CHD1L: variants seen among roughly 807,000 people sequenced by gnomAD.
CHD1L encodes the protein chromodomain helicase DNA binding protein 1 like.
A neutral mutation model predicts 115.9 loss-of-function variants in CHD1L; 118 were observed. The ratio of observed to expected loss-of-function variants is 1.02; its 90% confidence interval spans 0.88 to 1.19. CHD1L has a LOEUF of 1.19. Ranked by LOEUF, CHD1L falls within the 50% of genes most tolerant of loss-of-function variation. The pLI is 0.00. For synonymous variants in CHD1L, 411 were observed against 387.1 expected (o/e 1.06, Z -0.72); for missense variants, 1,179 against 1,065.3 (o/e 1.11, Z -1.49).
At chr1:147,210,996 A>G in the CHD1L span, 11 of 152,352 alleles carry the variant, frequency 7.2e-5, no homozygotes, top group South Asian at 2.3e-3. Context: ...TTTTTGATTT[A>G]TAAACAAATC....
In CHD1L at chr1:147,275,623, G is replaced by A. The variant is rs1678102393; in HGVS notation, c.1385+155G>A. On this transcript the variant is annotated intron_variant, in intron 13 of 22. Coordinates refer to ENST00000369258, the MANE Select transcript of CHD1L (RefSeq NM_004284.6). ...TGCTATTGACTCCTAGGGTAGTATT[G>A]GGTGGGTCACATTATCAGTCCAGAC... Among the ~76,000 whole-genome samples, 3 of 152,034 alleles carry A rather than the reference G, an allele frequency of 2.0e-5. No individual in the cohort carries two copies. The South Asian group carries it at 6.2e-4, about 32-fold the overall frequency.
At chr1:147,202,291 G>C in the CHD1L span, among the ~76,000 whole-genome samples, 2 of 149,652 alleles carry the variant, frequency 1.3e-5, no homozygotes, top group Non-Finnish European at 3.0e-5. Flanking sequence ...CTAGTATCGT[G>C]GAGCTTTCTA....
chr1:147,214,759 TATTA>T, the CHD1L span: 1 of 151,962 alleles, frequency 6.6e-6, no homozygotes, highest in South Asian at 2.1e-4. Flanking sequence ...TCTCTATTTT[TATTA>T]ATTATATTTA....
At chr1:147,267,177 A>G (rs11239962) in intron 8 of CHD1L, among the ~76,000 whole-genome samples, 2,804 of 152,324 alleles carry the variant, frequency 0.018, 87 homozygotes, top group African/African-American at 0.064. Context: ...AGAATTTGCA[A>G]AAGAGTAACA....
At chr1:147,269,052 C>A (rs1431709741) in intron 10 of CHD1L, among the ~76,000 whole-genome samples, 174 bp downstream of exon 10, 3 of 152,170 alleles carry the variant, frequency 2.0e-5, no homozygotes, top group African/African-American at 7.2e-5. Flanking sequence ...CACTCCACCC[C>A]TTCCACAATC....
the CHD1L span, chr1:147,178,531 A>G: frequency 6.2e-7 from 1 of 1,611,108 alleles, no homozygotes; most frequent in South Asian, 1.1e-5. Flanking sequence ...AGTGCCTCTC[A>G]GGACTGAGGA....
intron 20 of CHD1L, among the ~76,000 whole-genome samples, chr1:147,292,767 CAT>C (rs1234724918): frequency 2.6e-5 from 4 of 152,184 alleles, no homozygotes; most frequent in African/African-American, 9.7e-5. Flanking sequence ...AACTAGATGT[CAT>C]GTGAACTACC....
intron 14 of CHD1L, 44 bp downstream of exon 14, chr1:147,276,301 C>A: frequency 6.3e-7 from 1 of 1,593,016 alleles, no homozygotes; most frequent in Non-Finnish European, 8.6e-7. Context: ...TATACCAATA[C>A]CCTTTGTGGA....
At position 147,268,782 on chromosome 1, in the gene CHD1L, G is replaced by GTGTGGAGCCGGAGCCTT; in HGVS notation, c.991_1007dup (p.Phe336LeufsTer13). 1 of 1,612,892 alleles carries GTGTGGAGCCGGAGCCTT rather than the reference G, an allele frequency of 6.2e-7. No individual in the cohort carries two copies. The highest frequency in any genetic ancestry group is 8.5e-7 in the Non-Finnish European group (1 of 1,179,194). On this transcript the variant is annotated frameshift_variant and splice_region_variant, in exon 10 of 23. Transcript: ENST00000369258. LOFTEE classifies it high-confidence loss of function. ...TGGGAGTGGGTTCTTTCTTTTCTAG[G>GTGTGGAGCCGGAGCCTT]TGTGGAGCCGGAGCCTTTTGAAGTT...
chr1:147,272,294 G>A lies in CHD1L; in HGVS notation c.1270+13G>A. ...AGTACTAGGGCAGGTAGGCTGCAAAGGCATTGATGGAAACAGACAAATGAG... is the reference window on the plus strand; with the variant it reads ...AGTACTAGGGCAGGTAGGCTGCAAAAGCATTGATGGAAACAGACAAATGAG... On this transcript the variant is annotated intron_variant, in intron 12 of 22. Coordinates refer to ENST00000369258, the MANE Select transcript of CHD1L (RefSeq NM_004284.6). 6.4e-7 allele frequency: 1 copy of A among 1,555,920 alleles called. No homozygotes were observed. Among genetic ancestry groups the A allele is most frequent in the Non-Finnish European group, 8.9e-7 (1 of 1,126,984 alleles).
At chr1:147,256,395 C>G (rs1670157402) in intron 4 of CHD1L, 136 bp from the exon 5 acceptor site, 2 of 767,608 alleles carry the variant, frequency 2.6e-6, no homozygotes, top group South Asian at 3.8e-5. Context: ...AAATTATTCT[C>G]AGAACTTTTT....
chr1:147,246,303 G>C (rs1330382893), intron 1 of CHD1L, among the ~76,000 whole-genome samples: 4 of 152,152 alleles, frequency 2.6e-5, no homozygotes, highest in African/African-American at 9.7e-5. Flanking sequence ...ACCCACTGAA[G>C]GATATCTGAG....
chr1:147,255,781 T>A, intron 3 of CHD1L, 32 bp from the exon 4 acceptor site: 1 of 1,478,766 alleles, frequency 6.8e-7, no homozygotes, highest in South Asian at 1.2e-5. Context: ...GATCTAGTAT[T>A]TATGTTTATC....
the CHD1L span, chr1:147,223,988 T>G: frequency 2.4e-6 from 1 of 419,088 alleles, no homozygotes; most frequent in Admixed American, 2.6e-5. Flanking sequence ...AATCACCACC[T>G]TGGTGGAGAA....
At chr1:147,219,789 G>A in the CHD1L span, among the ~76,000 whole-genome samples, 2 of 149,860 alleles carry the variant, frequency 1.3e-5, no homozygotes, top group Non-Finnish European at 3.0e-5. Context: ...GAGTCAACAA[G>A]TGAGTACAGC....
At chr1:147,258,886 C>T (rs1257489262) in intron 5 of CHD1L, 1 of 152,052 alleles carries the variant, frequency 6.6e-6, no homozygotes, top group Admixed American at 6.5e-5. Context: ...AGTTAAACAT[C>T]TTATAATTTT....
At chr1:147,225,361 T>G in the CHD1L span, 2 of 290,708 alleles carry the variant, frequency 6.9e-6, no homozygotes, top group Non-Finnish European at 6.5e-6. Flanking sequence ...GTTGTCAAAT[T>G]ACTATAAACC....
At chr1:147,179,155 G>C in the CHD1L span, 1 of 1,614,094 alleles carries the variant, frequency 6.2e-7, no homozygotes, top group Non-Finnish European at 8.5e-7. Context: ...TGATGGGAAT[G>C]CTCTGGAGAG....
chr1:147,178,724 T>C, the CHD1L span: 1 of 1,581,750 alleles, frequency 6.3e-7, no homozygotes, highest in Middle Eastern at 1.7e-4. Flanking sequence ...GATGGTATCA[T>C]CTTATTTCGT....
Sources: allele counts gnomAD v4.1 joint callset (sites outside exome capture counted in the v4.1 genomes callset), GRCh38; gene constraint gnomAD v4.1.1; transcripts MANE v1.5; gene names NCBI Gene and HGNC (gene_info 2026-07-23, HGNC 2026-07-21).